The following UHRF1 variants were observed in gnomAD, a reference collection of about 807,000 sequenced individuals.
The protein encoded by UHRF1 is E3 ubiquitin-protein ligase UHRF1.
UHRF1 carries 9 observed loss-of-function variants against 96.5 expected under a neutral mutation model. The ratio of observed to expected loss-of-function variants is 0.09; its 90% CI spans 0.06 to 0.16. The LOEUF is 0.16. Among genes scored for constraint, UHRF1 ranks in the 10% least tolerant of loss-of-function variants. The probability of loss-of-function intolerance (pLI) is 1.00; values close to 1 mark genes in which losing one functional copy is unlikely to be tolerated. For synonymous variants in UHRF1, 455 were observed against 469.9 expected (o/e 0.97, Z 0.41); for missense variants, 626 against 1,131.1 (o/e 0.55, Z 6.40).
intron 4 of UHRF1, 39 bp from the exon 5 acceptor site, chr19:4,932,702 G>A (rs775298039): frequency 1.2e-6 from 2 of 1,606,992 alleles, no homozygotes; most frequent in South Asian, 1.1e-5. Context: ...AGGAGGCTTG[G>A]TCTTAGCACG....
chr19:4,943,398 C>T (rs974726153), intron 7 of UHRF1, among the ~76,000 whole-genome samples: 6 of 151,508 alleles, frequency 4.0e-5, no homozygotes, highest in African/African-American at 9.7e-5. Flanking sequence ...ATGACAATTG[C>T]GGATGTGGAT....
At chr19:4,936,925 T>G (rs2033233638) in intron 5 of UHRF1, among the ~76,000 whole-genome samples, 1 of 152,166 alleles carries the variant, frequency 6.6e-6, no homozygotes, top group Admixed American at 6.5e-5. Flanking sequence ...AATATTGACA[T>G]TGATACAGTC....
intron 3 of UHRF1, among the ~76,000 whole-genome samples, chr19:4,929,997 C>T (rs2032997662): frequency 6.6e-6 from 1 of 151,970 alleles, no homozygotes. Context: ...TTTTTTAATA[C>T]ATGGTCTCAT....
At chr19:4,939,727 G>A (rs533218935) in intron 5 of UHRF1, among the ~76,000 whole-genome samples, 1 of 152,248 alleles carries the variant, frequency 6.6e-6, no homozygotes, top group East Asian at 1.9e-4. Context: ...TACTGTGAGT[G>A]TAAAATACAC....
intron 9 of UHRF1, among the ~76,000 whole-genome samples, chr19:4,945,128 C>T (rs915493759): frequency 2.0e-5 from 3 of 152,198 alleles, no homozygotes; most frequent in African/African-American, 7.2e-5. Context: ...TAGTGCTCAG[C>T]GGCCAGCCGG....
intron 9 of UHRF1, 57 bp from the exon 10 acceptor site, chr19:4,945,804 G>A: frequency 1.4e-6 from 2 of 1,461,410 alleles, no homozygotes; most frequent in South Asian, 1.2e-5. Context: ...GGGCGGTGGA[G>A]CTTCTCTGCA....
At chr19:4,909,479 G>C, upstream of UHRF1, 1 of 652,824 alleles carries the variant, frequency 1.5e-6, no homozygotes, top group Non-Finnish European at 2.8e-6. Flanking sequence ...CCCAAATGCC[G>C]AGTTTTCGCG....
rs532000716 is a variant in UHRF1, at chr19:4,937,112, T to C, written c.785+4156T>C. On this transcript the variant is annotated intron_variant, in intron 5 of 16. Transcript: ENST00000650932. ...TACAATTTTGTAATTTCAAGGATTT[T>C]ACAATTTCAACTTTGTAATAAGGAT... 2.6e-5 allele frequency among the ~76,000 whole-genome samples: 4 copies of C among 152,288 alleles called. No individual in the cohort carries two copies. The South Asian group carries it at 8.3e-4, about 32-fold the overall frequency.
At chr19:4,950,810 C>A in intron 12 of UHRF1, 37 bp downstream of exon 12, 4 of 1,613,944 alleles carry the variant, frequency 2.5e-6, no homozygotes, top group Non-Finnish European at 3.4e-6. Context: ...GCTCTGTCCC[C>A]GCCGGGGCTG....
chr19:4,929,163 C>T, intron 2 of UHRF1, 59 bp from the exon 3 acceptor site: 1 of 1,570,648 alleles, frequency 6.4e-7, no homozygotes, highest in Non-Finnish European at 8.7e-7. Flanking sequence ...CACTGGTGCC[C>T]ACAGATGCCC....
intron 10 of UHRF1, among the ~76,000 whole-genome samples, chr19:4,946,314 C>T (rs1284788898): frequency 1.3e-5 from 2 of 152,062 alleles, no homozygotes; most frequent in East Asian, 1.9e-4. Flanking sequence ...TCACTGAGCC[C>T]GACGTCCTTG....
rs375460555 is a variant in UHRF1, at chr19:4,939,008, G to C, written c.786-2520G>C. Among the ~76,000 whole-genome samples, 48 of 151,756 alleles carry C rather than the reference G, an allele frequency of 3.2e-4. No homozygotes were observed. In the South Asian group the frequency reaches 9.4e-3, roughly 30 times the overall value. ...GGTTCCCTGCAACCTCCACCTCCCGGGTTCAAGCGATTCTCCTGCTTTAGC... is the reference window on the plus strand; with the variant it reads ...GGTTCCCTGCAACCTCCACCTCCCGCGTTCAAGCGATTCTCCTGCTTTAGC... On this transcript the variant is annotated intron_variant, in intron 5 of 16. Coordinates refer to ENST00000650932, the MANE Select transcript of UHRF1 (RefSeq NM_001048201.3).
chr19:4,943,146 A>G (rs991531956), intron 7 of UHRF1, among the ~76,000 whole-genome samples: 1 of 150,910 alleles, frequency 6.6e-6, no homozygotes, highest in Non-Finnish European at 1.5e-5. Flanking sequence ...AGGCTGAGGT[A>G]GGAGAATCGC....
intron 1 of UHRF1, 97 bp from the exon 2 acceptor site, chr19:4,910,779 C>T: frequency 1.4e-6 from 2 of 1,434,132 alleles, no homozygotes; most frequent in Non-Finnish European, 1.9e-6. Context: ...TCCTGGTGTC[C>T]ACAGGCCGGA....
intron 15 of UHRF1, among the ~76,000 whole-genome samples, chr19:4,956,247 G>C (rs2033853867): frequency 6.6e-6 from 1 of 152,214 alleles, no homozygotes; most frequent in South Asian, 2.1e-4. Context: ...TTAATTTTTT[G>C]TAGAGATGGG....
chr19:4,926,289 C>T (rs1568413759), intron 2 of UHRF1, among the ~76,000 whole-genome samples: 1 of 152,210 alleles, frequency 6.6e-6, no homozygotes, highest in Non-Finnish European at 1.5e-5. Context: ...GGTTGACGTG[C>T]CTCTTCCTCT....
At chr19:4,909,773 G>C (rs2032177514) in intron 1 of UHRF1, 118 bp downstream of exon 1, 1 of 466,542 alleles carries the variant, frequency 2.1e-6, no homozygotes. Flanking sequence ...ACTCTGTCCC[G>C]GGATCCAGGG....
In UHRF1 at chr19:4,950,848, G is replaced by A. The variant is rs368490361; in HGVS notation, c.1681-11G>A. ...TCTGATGGAGCTGACGCTGATGCCC[G>A]CTCTCTGCAGGTTGTGAAATACTGG... On this transcript the variant is annotated splice_polypyrimidine_tract_variant and intron_variant, in intron 12 of 16. Coordinates refer to ENST00000650932, the MANE Select transcript of UHRF1 (RefSeq NM_001048201.3). The A allele has an allele frequency of 3.5e-4, 559 of 1,613,840 alleles. No individual in the cohort carries two copies. Among genetic ancestry groups the A allele is most frequent in the Non-Finnish European group, 4.4e-4 (521 of 1,179,892 alleles).
intron 5 of UHRF1, among the ~76,000 whole-genome samples, chr19:4,936,700 G>A (rs1354410259): frequency 6.6e-6 from 1 of 151,944 alleles, no homozygotes; most frequent in East Asian, 1.9e-4. Context: ...CCAGCACTTT[G>A]GGAGGCTGAG....
Sources: gnomAD v4.1 joint callset for allele counts (sites outside exome capture counted in the v4.1 genomes callset) on GRCh38, gnomAD v4.1.1 for gene constraint, MANE v1.5 for transcripts, NCBI Gene and HGNC (gene_info 2026-07-23, HGNC 2026-07-21) for gene names.